The following LPO variants were observed in gnomAD, a reference collection of about 807,000 sequenced individuals.
LPO encodes the protein salivary peroxidase.
In LPO, 70 loss-of-function variants were observed where a neutral mutation model predicts 68.4. The observed-to-expected ratio is 1.02, with a 90% CI of 0.84 to 1.25. The LOEUF (loss-of-function observed/expected upper bound fraction) is 1.25. Among genes scored for constraint, LPO ranks in the 50% most tolerant of loss-of-function variants. LPO has a pLI of 0.00. For missense variants in LPO, 873 were observed against 908.4 expected (o/e 0.96, Z 0.50); for synonymous variants, 360 against 357.6 (o/e 1.01, Z -0.08).
chr17:58,243,186 G>A, intron 2 of LPO, 131 bp downstream of exon 2: 1 of 835,840 alleles, frequency 1.2e-6, no homozygotes, highest in Non-Finnish European at 1.9e-6. Flanking sequence ...GTGTTGGCAG[G>A]GCTGTGCTCC....
At chr17:58,267,675 C>T in intron 12 of LPO, 89 bp downstream of exon 12, 2 of 1,460,576 alleles carry the variant, frequency 1.4e-6, no homozygotes, top group Non-Finnish European at 1.9e-6. Context: ...GACTCCGGAT[C>T]TCAGTGTGAG....
Position 58,254,867 on chromosome 17 carries a change from C to G in LPO, c.1162C>G (p.Arg388Gly). The G allele has an allele frequency of 1.2e-6, 2 of 1,614,164 alleles. No individual in the cohort carries two copies. The highest frequency in any genetic ancestry group is 1.7e-6 in the Non-Finnish European group (2 of 1,180,026). The change falls in exon 9 of 13, where the codon CGC (arginine) becomes GGC (glycine). Residue 388 changes from arginine to glycine, a missense_variant. By Grantham distance (125) the Arg-to-Gly change is moderately radical (BLOSUM62 -2). Transcript: ENST00000262290. ...GGCCACATCCCACACCCTCTTTCTCCGCGAGCATAACCGGCTGGCCAGAGA... is the reference window on the plus strand; with the variant it reads ...GGCCACATCCCACACCCTCTTTCTCGGCGAGCATAACCGGCTGGCCAGAGA... ...LLATSHTLFL[R>G]EHNRLARELK...
chr17:58,254,704 G>C (rs781354019), intron 8 of LPO, 107 bp from the exon 9 acceptor site: 34 of 1,034,804 alleles, frequency 3.3e-5, no homozygotes, highest in Admixed American at 1.5e-4. Flanking sequence ...TTGACGGGGC[G>C]GGGGGGGCGG....
At chr17:58,251,882 G>C (rs1271938852) in intron 7 of LPO, 1 of 658,278 alleles carries the variant, frequency 1.5e-6, no homozygotes, top group African/African-American at 1.8e-5. Flanking sequence ...TTCCCACCTC[G>C]TGTCCTGCTT....
intron 10 of LPO, 93 bp from the exon 11 acceptor site, chr17:58,266,060 A>C (rs1970256784): frequency 7.9e-7 from 1 of 1,268,794 alleles, no homozygotes; most frequent in African/African-American, 1.5e-5. Context: ...CATTCAACTA[A>C]GAGAAAATGT....
Position 58,267,554 on chromosome 17 carries a change from C to T in LPO, c.1899C>T (p.Gly633=), listed in dbSNP as rs367661436. 9 of 1,612,732 alleles carry T rather than the reference C, an allele frequency of 5.6e-6. No homozygotes were observed. The highest frequency in any genetic ancestry group is 1.3e-5 in the African/African-American group (1 of 74,908). Residue 633 remains glycine, a synonymous_variant, in exon 12 of 13, where the codon GGC becomes GGT. Coordinates refer to ENST00000262290, the MANE Select transcript of LPO (RefSeq NM_006151.3). ...GGCCTCTCCTGGCCTGCCTCTTGGGCAAGCAGTTCCAGCAGATCCGTGATG... is the reference window on the plus strand; with the variant it reads ...GGCCTCTCCTGGCCTGCCTCTTGGGTAAGCAGTTCCAGCAGATCCGTGATG... ...RVGPLLACLL[G]KQFQQIRDGD...
At chr17:58,267,613 A>G (rs1567824777) in intron 12 of LPO, 27 bp downstream of exon 12, 1 of 1,580,366 alleles carries the variant, frequency 6.3e-7, no homozygotes, top group Admixed American at 1.7e-5. Flanking sequence ...CCAGGGAGGG[A>G]AGGGCAGGGC....
intron 8 of LPO, among the ~76,000 whole-genome samples, chr17:58,253,448 C>T (rs112346069): frequency 1.1e-3 from 174 of 152,282 alleles, no homozygotes; most frequent in African/African-American, 3.9e-3. Flanking sequence ...AAGCTAATTT[C>T]CCAGAAGAGG....
In LPO at chr17:58,250,423, G is replaced by A. The variant is rs1378575755; in HGVS notation, c.582G>A (p.Glu194=). 2 of 1,613,938 alleles carry A rather than the reference G, an allele frequency of 1.2e-6. No individual in the cohort carries two copies. Among genetic ancestry groups the A allele is most frequent in the African/African-American group, 2.7e-5 (2 of 74,886 alleles). Residue 194 remains glutamate (E), a synonymous_variant, in exon 7 of 13, where the codon GAG becomes GAA. Coordinates refer to ENST00000262290, the MANE Select transcript of LPO (RefSeq NM_006151.3). ...TCTCTCTCCATCTGTAGGCCCGGGAGGTATCTAACAAGATTGTTGGCTATC... is the reference window on the plus strand; with the variant it reads ...TCTCTCTCCATCTGTAGGCCCGGGAAGTATCTAACAAGATTGTTGGCTATC... ...RNGFPLPLAR[E]VSNKIVGYLN...
intron 4 of LPO, among the ~76,000 whole-genome samples, chr17:58,248,099 T>C (rs921724417): frequency 6.6e-6 from 1 of 152,150 alleles, no homozygotes; most frequent in African/African-American, 2.4e-5. Context: ...AAGATGGAGC[T>C]ATCAGTAAGT....
At chr17:58,242,413 C>T (rs1051309664) in intron 1 of LPO, among the ~76,000 whole-genome samples, 3 of 152,158 alleles carry the variant, frequency 2.0e-5, no homozygotes, top group African/African-American at 7.2e-5. Flanking sequence ...GCCAGGTTTC[C>T]GAAGGGAGGC....
chr17:58,254,156 G>GATATATAT (rs535794728), intron 8 of LPO, among the ~76,000 whole-genome samples: 1 of 148,524 alleles, frequency 6.7e-6, no homozygotes, highest in African/African-American at 2.5e-5. Context: ...TAGATATATA[G>GATATATAT]ATAGATAGAT....
chr17:58,252,583 G>A (rs1969983138), intron 8 of LPO, 77 bp downstream of exon 8: 4 of 1,416,182 alleles, frequency 2.8e-6, no homozygotes, highest in Non-Finnish European at 3.8e-6. Context: ...CCCCCTTCTT[G>A]TCATCTTTCT....
In LPO at chr17:58,265,415, T is replaced by C. The variant is rs58037028; in HGVS notation, c.1519+441T>C. On this transcript the variant is annotated intron_variant, in intron 10 of 12. Transcript: ENST00000262290. ...AGAGGTTGGACCCAACTTTCCTTTA[T>C]CCCTAGGCTATGTTGTGTTGAAATT... Among the ~76,000 whole-genome samples the C allele has an allele frequency of 2.8e-3, 429 of 152,150 alleles. 4 individuals are homozygous for C. Among genetic ancestry groups the C allele is most frequent in the African/African-American group, 9.9e-3 (411 of 41,496 alleles).
Position 58,250,559 on chromosome 17 carries a change from G to T in LPO, c.718G>T (p.Glu240Ter). The change falls in exon 7 of 13, where the codon GAG becomes TAG. Residue 240 changes from glutamate (E) to a stop codon, truncating the protein, a stop_gained. Coordinates refer to ENST00000262290, the MANE Select transcript of LPO (RefSeq NM_006151.3). LOFTEE classifies it high-confidence loss of function. ...CCCTGACACCGAGCTGGGGAGTAGCGAGTACTCCAAAGCCCAGTGTGATGA... is the reference window on the plus strand; with the variant it reads ...CCCTGACACCGAGCTGGGGAGTAGCTAGTACTCCAAAGCCCAGTGTGATGA... ...FAPDTELGSS[E>*]YSKAQCDEYC... 6.2e-7 allele frequency: 1 copy of T among 1,614,096 alleles called. No homozygotes were observed. The highest frequency in any genetic ancestry group is 8.5e-7 in the Non-Finnish European group (1 of 1,180,016).
rs1417373223 is a variant in LPO, at chr17:58,252,332, A to G, written c.931A>G (p.Ser311Gly). The G allele has an allele frequency of 2.5e-6, 4 of 1,614,098 alleles. No individual in the cohort carries two copies. Among genetic ancestry groups the G allele is most frequent in the African/African-American group, 2.7e-5 (2 of 75,004 alleles). Residue 311 changes from serine to glycine, a missense_variant, in exon 8 of 13, where the codon AGC becomes GGC. Transcript: ENST00000262290. ...CTTCCTGGATGCCAGCTTTGTGTAC[A>G]GCTCCGAGCCAAGCCTGGCCAGCCG... ...TSFLDASFVY[S>G]SEPSLASRLR...
At chr17:58,251,055 G>A (rs1368849006) in intron 7 of LPO, 1 of 188,214 alleles carries the variant, frequency 5.3e-6, no homozygotes, top group East Asian at 1.3e-4. Flanking sequence ...GAGGTGGACA[G>A]ATCACCTGAG....
At chr17:58,244,551 G>A (rs1969819537) in intron 3 of LPO, 1 of 164,184 alleles carries the variant, frequency 6.1e-6, no homozygotes, top group Admixed American at 6.0e-5. Flanking sequence ...TGAAGGGGGA[G>A]GTTAGACAAA....
At chr17:58,254,684 G>C in intron 8 of LPO, 127 bp from the exon 9 acceptor site, 1 of 833,530 alleles carries the variant, frequency 1.2e-6, no homozygotes, top group Non-Finnish European at 1.8e-6. Context: ...CTGACGGGAA[G>C]TAGGGCTTGT....
Sources: gnomAD v4.1 joint callset for allele counts (sites outside exome capture counted in the v4.1 genomes callset) on GRCh38, gnomAD v4.1.1 for gene constraint, MANE v1.5 for transcripts, NCBI Gene and HGNC (gene_info 2026-07-23, HGNC 2026-07-21) for gene names.